ZNF638: variants seen among roughly 807,000 people sequenced by gnomAD.
The protein encoded by ZNF638 is CTCL tumor antigen se33-1.
ZNF638 carries 46 observed loss-of-function variants against 195.6 expected under a neutral mutation model. The ratio of observed to expected loss-of-function variants is 0.24; its 90% CI spans 0.19 to 0.30. The LOEUF (loss-of-function observed/expected upper bound fraction) is 0.30. ZNF638 is among the 10% of genes least tolerant of loss of function. ZNF638 has a pLI of 1.00. For synonymous variants in ZNF638, 845 were observed against 772.0 expected (o/e 1.09, Z -1.57); for missense variants, 2,440 against 2,325.3 (o/e 1.05, Z -1.01).
Position 71,427,101 on chromosome 2 carries a change from T to C in ZNF638, c.5232T>C (p.Ser1744=). The change falls in exon 24 of 28, where the codon AGT becomes AGC. Residue 1744 remains serine (S), a synonymous_variant. Coordinates refer to ENST00000264447, the MANE Select transcript of ZNF638 (RefSeq NM_014497.5). The part of the protein sequence containing the change: ...VTVDEIQDDS[S]DLHLVTLDEV... Reference sequence around the variant, plus strand: ...TAGATGAAATACAAGATGACAGCAGTGATTTGCATTTAGTGACTTTGGATG... The same window carrying C: ...TAGATGAAATACAAGATGACAGCAGCGATTTGCATTTAGTGACTTTGGATG... The C allele has an allele frequency of 6.2e-7, 1 of 1,614,178 alleles. No individual in the cohort carries two copies.
chr2:71,382,318 TA>T (rs2079548203), intron 10 of ZNF638, among the ~76,000 whole-genome samples: 2 of 152,280 alleles, frequency 1.3e-5, no homozygotes, highest in Middle Eastern at 3.4e-3. Context: ...TTTTTAAGTT[TA>T]AGGTCTAAAT....
chr2:71,338,463 A>G (rs747607893), intron 1 of ZNF638, among the ~76,000 whole-genome samples: 6 of 152,156 alleles, frequency 3.9e-5, no homozygotes, highest in Non-Finnish European at 5.9e-5. Flanking sequence ...GTCTTTCACA[A>G]TGAAAGCCCT....
chr2:71,424,151 C>G lies in ZNF638; in HGVS notation c.4524+113C>G, dbSNP rs1040908670. 8.0e-6 allele frequency: 11 copies of G among 1,371,200 alleles called. No individual in the cohort carries two copies. In the African/African-American group the frequency reaches 1.2e-4, roughly 15 times the overall value. 84.9% of individuals were successfully genotyped at this position (1,371,200 alleles called of 1,614,324 possible). On this transcript the variant is annotated intron_variant, in intron 22 of 27. Coordinates refer to ENST00000264447, the MANE Select transcript of ZNF638 (RefSeq NM_014497.5). ...TTCATACTTTCATCTCCTCACTCTA[C>G]CCCGGAAGCTCCCATTTCCTTTTCT...
chr2:71,409,078 C>T (rs564706331), intron 20 of ZNF638, among the ~76,000 whole-genome samples: 1 of 152,220 alleles, frequency 6.6e-6, no homozygotes, highest in South Asian at 2.1e-4. Flanking sequence ...CAAAATTAAA[C>T]ACTGACTGTA....
intron 17 of ZNF638, 64 bp downstream of exon 17, chr2:71,404,062 G>T: frequency 6.7e-7 from 1 of 1,501,428 alleles, no homozygotes; most frequent in Non-Finnish European, 9.0e-7. Context: ...GTTACAGTCT[G>T]TTATGTTTTC....
chr2:71,395,155 A>G, intron 10 of ZNF638: 1 of 691,228 alleles, frequency 1.4e-6, no homozygotes, highest in Non-Finnish European at 2.7e-6. Flanking sequence ...GATGTGCAAG[A>G]ACATCTCTCC....
chr2:71,366,945 T>C (rs1484410463), intron 6 of ZNF638, among the ~76,000 whole-genome samples: 5 of 152,128 alleles, frequency 3.3e-5, no homozygotes, highest in African/African-American at 1.2e-4. Flanking sequence ...CAATATCAAA[T>C]ATTTTGTATA....
intron 1 of ZNF638, among the ~76,000 whole-genome samples, chr2:71,346,386 T>C (rs2078850995): frequency 1.3e-5 from 2 of 152,228 alleles, no homozygotes; most frequent in Admixed American, 1.3e-4. Flanking sequence ...GTGAGTTTGT[T>C]ACAAATGAAC....
At chr2:71,336,372 C>CAAAAA (rs66593443) in intron 1 of ZNF638, among the ~76,000 whole-genome samples, 2 of 105,538 alleles carry the variant, frequency 1.9e-5, no homozygotes, top group African/African-American at 3.4e-5. Context: ...ATTCCATCTC[C>CAAAAA]AAAAAAAAAA....
chr2:71,380,364 T>A, intron 9 of ZNF638, 84 bp downstream of exon 9: 4 of 1,150,128 alleles, frequency 3.5e-6, no homozygotes, highest in Admixed American at 2.8e-5. Flanking sequence ...GCATTTTAAA[T>A]ATATTTTATC....
intron 1 of ZNF638, among the ~76,000 whole-genome samples, chr2:71,340,925 A>G (rs1186183341): frequency 6.6e-6 from 1 of 152,234 alleles, no homozygotes; most frequent in Non-Finnish European, 1.5e-5. Context: ...AAAGTAGTGT[A>G]AGTCCAAAAG....
intron 1 of ZNF638, among the ~76,000 whole-genome samples, chr2:71,342,862 T>G (rs982785843): frequency 2.0e-5 from 3 of 152,200 alleles, no homozygotes; most frequent in African/African-American, 7.2e-5. Flanking sequence ...AAGACTAATG[T>G]TTTAGCTGAA....
At chr2:71,424,433 A>AGATCAGTAAAACT in intron 22 of ZNF638, among the ~76,000 whole-genome samples, 1 of 152,312 alleles carries the variant, frequency 6.6e-6, no homozygotes, top group East Asian at 1.9e-4. Context: ...TGGGACGAAA[A>AGATCAGTAAAACT]GATCAGTAAA....
intron 5 of ZNF638, among the ~76,000 whole-genome samples, chr2:71,364,823 G>T (rs535201083): frequency 1.3e-5 from 2 of 152,244 alleles, no homozygotes; most frequent in South Asian, 4.2e-4. Flanking sequence ...TTAAAGTATG[G>T]CCCAAGGATC....
chr2:71,404,251 T>C (rs1007459354), intron 17 of ZNF638, among the ~76,000 whole-genome samples: 20 of 152,368 alleles, frequency 1.3e-4, no homozygotes, highest in African/African-American at 1.9e-4. Context: ...AAGACAGGTT[T>C]CTCTCTTATC....
intron 26 of ZNF638, 138 bp downstream of exon 26, chr2:71,431,566 T>C (rs2080661556): frequency 1.5e-6 from 1 of 660,266 alleles, no homozygotes; most frequent in Non-Finnish European, 2.6e-6. Flanking sequence ...GAGACCATCC[T>C]GGCTAACACG....
chr2:71,390,939 G>T (rs1029232280), intron 10 of ZNF638, among the ~76,000 whole-genome samples: 1 of 152,182 alleles, frequency 6.6e-6, no homozygotes, highest in Non-Finnish European at 1.5e-5. Context: ...GCCCAATGGG[G>T]GCTGCAAACC....
At chr2:71,369,763 A>C in intron 7 of ZNF638, 120 bp from the exon 8 acceptor site, 6 of 992,242 alleles carry the variant, frequency 6.0e-6, no homozygotes, top group Non-Finnish European at 7.2e-6. Flanking sequence ...GGCAAAAGCA[A>C]CCATGACTTG....
chr2:71,343,555 A>G (rs979140850), intron 1 of ZNF638, among the ~76,000 whole-genome samples: 1 of 152,248 alleles, frequency 6.6e-6, no homozygotes, highest in East Asian at 1.9e-4. Flanking sequence ...GTGATCGAGT[A>G]GAAGGCATTA....
Sources: gnomAD v4.1 joint callset for allele counts (sites outside exome capture counted in the v4.1 genomes callset) on GRCh38, gnomAD v4.1.1 for gene constraint, MANE v1.5 for transcripts, NCBI Gene and HGNC (gene_info 2026-07-23, HGNC 2026-07-21) for gene names.